SLC12A1: variants seen among roughly 807,000 people sequenced by gnomAD.
SLC12A1 encodes Na-K-2Cl cotransporter.
SLC12A1 carries 89 observed loss-of-function variants against 130.4 expected under a neutral mutation model. That is an observed-to-expected ratio of 0.68 (90% CI 0.58 to 0.81). The LOEUF is 0.81. Ranked by LOEUF, SLC12A1 falls within the 40% of genes least tolerant of loss-of-function variation. The pLI, the probability that SLC12A1 is intolerant of heterozygous loss-of-function variation, is 0.00. For missense variants in SLC12A1, 1,310 were observed against 1,336.4 expected (o/e 0.98, Z 0.31); for synonymous variants, 499 against 460.0 (o/e 1.08, Z -1.09).
intron 23 of SLC12A1, 87 bp downstream of exon 23, chr15:48,288,603 G>A (rs1161887328): frequency 1.5e-6 from 1 of 678,098 alleles, no homozygotes; most frequent in African/African-American, 1.8e-5. Flanking sequence ...GTGTCTCTGA[G>A]ACACAATAGA....
chr15:48,274,163 C>T (rs2041926591), intron 19 of SLC12A1, among the ~76,000 whole-genome samples: 1 of 152,066 alleles, frequency 6.6e-6, no homozygotes, highest in Admixed American at 6.6e-5. Flanking sequence ...TACAGGAGTC[C>T]TTCTGGGAGG....
rs1490037217 is a variant in SLC12A1, at chr15:48,230,432, C to T, written c.904C>T (p.Arg302Trp). ...GATGGTGGATCCAACCAATGACATC[C>T]GGATTATAGGCTCCATCACAGTGGT... ...SMMVDPTNDI[R>W]IIGSITVVIL... The change falls in exon 7 of 27, where the codon CGG (arginine) becomes TGG (tryptophan). Residue 302 changes from arginine to tryptophan, a missense_variant. Coordinates refer to ENST00000380993, the MANE Select transcript of SLC12A1 (RefSeq NM_000338.3). The T allele has an allele frequency of 6.2e-6, 10 of 1,612,732 alleles. No homozygotes were observed. The highest frequency in any genetic ancestry group is 8.5e-6 in the Non-Finnish European group (10 of 1,179,476).
At chr15:48,213,693 T>C (rs1425298685) in intron 2 of SLC12A1, among the ~76,000 whole-genome samples, 1 of 151,862 alleles carries the variant, frequency 6.6e-6, no homozygotes, top group Non-Finnish European at 1.5e-5. Flanking sequence ...TTGTTTTTTG[T>C]TTTGTATTTT....
At chr15:48,236,331 C>T (rs2041440095) in intron 9 of SLC12A1, among the ~76,000 whole-genome samples, 1 of 152,052 alleles carries the variant, frequency 6.6e-6, no homozygotes, top group African/African-American at 2.4e-5. Context: ...AATTTTTGAA[C>T]CTGAGCATAA....
intron 19 of SLC12A1, among the ~76,000 whole-genome samples, chr15:48,272,782 A>G (rs1047587844): frequency 1.6e-4 from 24 of 152,118 alleles, no homozygotes; most frequent in African/African-American, 5.3e-4. Context: ...ATGGCTGCCA[A>G]TAACAAATTA....
intron 5 of SLC12A1, chr15:48,226,821 A>G (rs2041295104): frequency 1.7e-6 from 1 of 587,826 alleles, no homozygotes; most frequent in Non-Finnish European, 3.0e-6. Flanking sequence ...TCCTTAGGTA[A>G]ACTTTTTCTT....
In SLC12A1 at chr15:48,234,565, A is replaced by C. The variant is rs554585212; in HGVS notation, c.1088-312A>C. Among the ~76,000 whole-genome samples, 7 of 152,130 alleles carry C rather than the reference A, an allele frequency of 4.6e-5. No homozygotes were observed. The East Asian group carries it at 1.4e-3, about 29-fold the overall frequency. On this transcript the variant is annotated intron_variant, in intron 8 of 26. Coordinates refer to ENST00000380993, the MANE Select transcript of SLC12A1 (RefSeq NM_000338.3). The stretch of plus-strand genomic sequence containing the variant: ...TGAGACCAGCCTGGCCCACATGGTG[A>C]AACCCCATCTCTACTAAAAATACAA...
intron 2 of SLC12A1, among the ~76,000 whole-genome samples, chr15:48,215,402 T>C (rs912533952): frequency 6.6e-6 from 1 of 152,220 alleles, no homozygotes; most frequent in African/African-American, 2.4e-5. Flanking sequence ...AAATTCTTAG[T>C]AAATAAATAA....
At chr15:48,275,787 C>T (rs1035863452) in intron 20 of SLC12A1, among the ~76,000 whole-genome samples, 1 of 152,162 alleles carries the variant, frequency 6.6e-6, no homozygotes, top group African/African-American at 2.4e-5. Context: ...TAAGGAGGAT[C>T]TAGACTGTAA....
chr15:48,208,214 T>C lies in SLC12A1; in HGVS notation c.420+75T>C, dbSNP rs149234141. The C allele has an allele frequency of 2.8e-4, 380 of 1,357,932 alleles. 1 individual carries two copies. The African/African-American group carries it at 5.3e-3, about 19-fold the overall frequency. 84.1% of individuals were successfully genotyped at this position (1,357,932 alleles called of 1,614,324 possible). ...ATAATTTCCTTCTCTTTCATTACAC[T>C]ATGAATGAATGTGAAACAGTCAAAT... On this transcript the variant is annotated intron_variant, in intron 2 of 26. Coordinates refer to ENST00000380993, the MANE Select transcript of SLC12A1 (RefSeq NM_000338.3).
chr15:48,297,910 G>A (rs2042194777), intron 24 of SLC12A1, among the ~76,000 whole-genome samples: 1 of 152,202 alleles, frequency 6.6e-6, no homozygotes, highest in African/African-American at 2.4e-5. Context: ...GCACGACACT[G>A]TTGAAATAGG....
intron 10 of SLC12A1, among the ~76,000 whole-genome samples, chr15:48,243,544 T>C (rs2041542476): frequency 6.6e-6 from 1 of 152,174 alleles, no homozygotes; most frequent in African/African-American, 2.4e-5. Context: ...TAATCCCAGA[T>C]ACTCGGGTGG....
chr15:48,243,577 C>T (rs563283254), intron 10 of SLC12A1, among the ~76,000 whole-genome samples: 8 of 151,908 alleles, frequency 5.3e-5, no homozygotes, highest in South Asian at 2.1e-4. Flanking sequence ...ATTGCTTGAA[C>T]GCAGGAGGCG....
intron 14 of SLC12A1, among the ~76,000 whole-genome samples, chr15:48,250,368 A>G (rs2041632653): frequency 6.6e-6 from 1 of 152,208 alleles, no homozygotes; most frequent in Non-Finnish European, 1.5e-5. Context: ...GCCTGACAAG[A>G]TATTAAGCCT....
chr15:48,229,536 T>C (rs2041343424), intron 6 of SLC12A1, among the ~76,000 whole-genome samples: 1 of 152,254 alleles, frequency 6.6e-6, no homozygotes, highest in African/African-American at 2.4e-5. Context: ...GTTCCTCTAT[T>C]CTTCCGAACT....
intron 13 of SLC12A1, 32 bp downstream of exon 13, chr15:48,247,492 C>G (rs2041596085): frequency 1.3e-6 from 2 of 1,516,226 alleles, no homozygotes; most frequent in South Asian, 2.4e-5. Flanking sequence ...TTATTGAAAA[C>G]CAAAGAATTC....
At chr15:48,243,749 A>G (rs1052443833) in intron 10 of SLC12A1, among the ~76,000 whole-genome samples, 1 of 152,234 alleles carries the variant, frequency 6.6e-6, no homozygotes, top group African/African-American at 2.4e-5. Flanking sequence ...TTAAGGAAAC[A>G]CATTTATTCC....
intron 17 of SLC12A1, among the ~76,000 whole-genome samples, chr15:48,260,042 C>T (rs1041307550): frequency 2.0e-5 from 3 of 151,976 alleles, no homozygotes; most frequent in Admixed American, 6.6e-5. Context: ...CCAAGGTGGG[C>T]GGATCACCTG....
At chr15:48,254,879 G>C (rs939990369) in intron 15 of SLC12A1, among the ~76,000 whole-genome samples, 1 of 151,928 alleles carries the variant, frequency 6.6e-6, no homozygotes, top group Admixed American at 6.6e-5. Flanking sequence ...AGCCCAGATC[G>C]CGCCACTGCA....
Sources: allele counts gnomAD v4.1 joint callset (sites outside exome capture counted in the v4.1 genomes callset), GRCh38; gene constraint gnomAD v4.1.1; transcripts MANE v1.5; gene names NCBI Gene and HGNC (gene_info 2026-07-23, HGNC 2026-07-21).